The following CYP7B1 variants were observed in gnomAD, a reference collection of about 807,000 sequenced individuals.
The protein encoded by CYP7B1 is cytochrome P450 family 7 subfamily B member 1, also known as cytochrome P450 7B1.
CYP7B1 carries 29 observed loss-of-function variants against 42.7 expected under a neutral mutation model. The observed-to-expected ratio is 0.68, with a 90% CI of 0.51 to 0.93. The LOEUF (loss-of-function observed/expected upper bound fraction) is 0.93, where lower values mean the gene tolerates loss of function less well. CYP7B1 is among the 40% of genes least tolerant of loss of function. The pLI, the probability that CYP7B1 is intolerant of heterozygous loss-of-function variation, is 0.00. For synonymous variants in CYP7B1, 235 were observed against 218.2 expected, an observed-to-expected ratio of 1.08 and a Z score of -0.68; for missense variants, 655 against 600.5, an observed-to-expected ratio of 1.09 and a Z score of -0.95.
At chr8:64,682,384 T>G (rs1169960490) in intron 1 of CYP7B1, among the ~76,000 whole-genome samples, 5 of 152,184 alleles carry the variant, frequency 3.3e-5, no homozygotes, top group Non-Finnish European at 7.4e-5. Flanking sequence ...AGTAGGAAAG[T>G]GCCTAACCAA....
chr8:64,765,682 T>C (rs903572424), intron 1 of CYP7B1, among the ~76,000 whole-genome samples: 2 of 152,118 alleles, frequency 1.3e-5, no homozygotes, highest in Non-Finnish European at 2.9e-5. Context: ...GAGTAAGCAT[T>C]AGGACCATAG....
chr8:64,600,250 G>A (rs1220430342), intron 5 of CYP7B1, among the ~76,000 whole-genome samples: 1 of 152,124 alleles, frequency 6.6e-6, no homozygotes, highest in Admixed American at 6.5e-5. Context: ...AAAAGATTTT[G>A]GTATTCGTGA....
chr8:64,687,002 A>C (rs1489496809), intron 1 of CYP7B1, among the ~76,000 whole-genome samples: 1 of 135,912 alleles, frequency 7.4e-6, no homozygotes, highest in Non-Finnish European at 1.6e-5. Flanking sequence ...GGAAGGCCGC[A>C]GGGTCCTCTG....
At chr8:64,688,389 A>G (rs1404547115) in intron 1 of CYP7B1, among the ~76,000 whole-genome samples, 6 of 82,836 alleles carry the variant, frequency 7.2e-5, no homozygotes, top group Non-Finnish European at 1.4e-4. Context: ...CCTCCCTCCC[A>G]CCCTCCTTCC....
intron 4 of CYP7B1, among the ~76,000 whole-genome samples, chr8:64,611,756 C>A (rs1169082341): frequency 1.3e-5 from 2 of 152,108 alleles, no homozygotes; most frequent in African/African-American, 2.4e-5. Context: ...TTCACCTGAG[C>A]CATGTGGCAG....
chr8:64,797,562 G>A (rs1283383985), intron 1 of CYP7B1, among the ~76,000 whole-genome samples: 1 of 152,144 alleles, frequency 6.6e-6, no homozygotes, highest in Non-Finnish European at 1.5e-5. Context: ...AGGCATTCTA[G>A]AAATGTCCAT....
intron 1 of CYP7B1, among the ~76,000 whole-genome samples, chr8:64,644,209 T>C (rs1585827783): frequency 6.6e-6 from 1 of 151,498 alleles, no homozygotes; most frequent in South Asian, 2.1e-4. Flanking sequence ...GAGGCTGAGG[T>C]TGAAGTGAGC....
chr8:64,587,291 G>A (rs1335618600), downstream of CYP7B1, among the ~76,000 whole-genome samples: 1 of 152,204 alleles, frequency 6.6e-6, no homozygotes. Flanking sequence ...ATCCGCATCC[G>A]AAGAGCACCC....
At chr8:64,684,541 A>G (rs1466342543) in intron 1 of CYP7B1, among the ~76,000 whole-genome samples, 2 of 152,266 alleles carry the variant, frequency 1.3e-5, no homozygotes, top group Admixed American at 1.3e-4. Context: ...AGTATAATTT[A>G]TTTATATAAG....
intron 1 of CYP7B1, among the ~76,000 whole-genome samples, chr8:64,660,990 G>C (rs1265983862): frequency 6.6e-6 from 1 of 152,238 alleles, no homozygotes; most frequent in Non-Finnish European, 1.5e-5. Flanking sequence ...ACTAATCACT[G>C]AGGATTGAAA....
chr8:64,666,890 T>C (rs981899644), intron 1 of CYP7B1, among the ~76,000 whole-genome samples: 1 of 152,222 alleles, frequency 6.6e-6, no homozygotes, highest in Non-Finnish European at 1.5e-5. Flanking sequence ...GAGAGTTTCA[T>C]GTGAAAATGT....
intron 2 of CYP7B1, among the ~76,000 whole-genome samples, chr8:64,618,569 T>TC: frequency 1.7e-5 from 2 of 115,032 alleles, no homozygotes; most frequent in African/African-American, 3.1e-5. Context: ...ACACATTCAT[T>TC]TTCTCTCTCT....
At chr8:64,629,110 C>T (rs185539985) in intron 1 of CYP7B1, among the ~76,000 whole-genome samples, 1 of 151,996 alleles carries the variant, frequency 6.6e-6, no homozygotes, top group East Asian at 1.9e-4. Context: ...ACCTGTAATC[C>T]CAGCTACTCG....
At chr8:64,777,011 G>A (rs1804336903) in intron 1 of CYP7B1, among the ~76,000 whole-genome samples, 1 of 151,942 alleles carries the variant, frequency 6.6e-6, no homozygotes, top group East Asian at 1.9e-4. Context: ...GAAGGGTCCT[G>A]TGTCATATCA....
intron 1 of CYP7B1, among the ~76,000 whole-genome samples, chr8:64,695,271 G>A (rs185772886): frequency 1.6e-4 from 25 of 152,244 alleles, no homozygotes; most frequent in African/African-American, 6.0e-4. Flanking sequence ...GGACTGACCG[G>A]ACATGAGCCA....
At chr8:64,616,335 A>C in intron 2 of CYP7B1, 54 bp from the exon 3 acceptor site, 1 of 1,090,842 alleles carries the variant, frequency 9.2e-7, no homozygotes, top group Non-Finnish European at 1.3e-6. Context: ...ATAAAACAGA[A>C]ATAAACACCA....
At chr8:64,632,496 G>T (rs895126969) in intron 1 of CYP7B1, among the ~76,000 whole-genome samples, 2 of 152,090 alleles carry the variant, frequency 1.3e-5, no homozygotes, top group Admixed American at 1.3e-4. Context: ...GAGAGCTGCT[G>T]CTGTACAACA....
chr8:64,741,146 T>C (rs1279039057), intron 1 of CYP7B1, among the ~76,000 whole-genome samples: 1 of 151,432 alleles, frequency 6.6e-6, no homozygotes, highest in Non-Finnish European at 1.5e-5. Flanking sequence ...GGAAAGAATG[T>C]CCCCTTCACT....
intron 1 of CYP7B1, among the ~76,000 whole-genome samples, chr8:64,745,426 A>T (rs1807629364): frequency 6.6e-6 from 1 of 152,192 alleles, no homozygotes; most frequent in Non-Finnish European, 1.5e-5. Flanking sequence ...TTTAAAACCA[A>T]AGCTAATGAC....
Sources: allele counts gnomAD v4.1 joint callset (sites outside exome capture counted in the v4.1 genomes callset), GRCh38; gene constraint gnomAD v4.1.1; transcripts MANE v1.5; gene names NCBI Gene and HGNC (gene_info 2026-07-23, HGNC 2026-07-21).